Variants in DNMT3A observed in about 807,000 individuals in gnomAD.
DNMT3A encodes DNA methyltransferase 3 alpha.
DNMT3A carries 267 observed loss-of-function variants against 117.6 expected under a neutral mutation model. That is an observed-to-expected ratio of 2.27 (90% confidence interval 2.05 to 2.51). The LOEUF is 2.51. Ranked by LOEUF, DNMT3A falls within the 30% of genes most tolerant of loss-of-function variation. The probability of loss-of-function intolerance (pLI) is 0.00; values close to 1 mark genes in which losing one functional copy is unlikely to be tolerated. For synonymous variants in DNMT3A, 432 were observed against 474.8 expected, an observed-to-expected ratio of 0.91 and a Z score of 1.17; for missense variants, 1,029 against 1,260.2, an observed-to-expected ratio of 0.82 and a Z score of 2.78.
At chr2:25,319,017 CTTT>C (rs567787303) in intron 1 of DNMT3A, among the ~76,000 whole-genome samples, 5 of 103,262 alleles carry the variant, frequency 4.8e-5, no homozygotes, top group Non-Finnish European at 4.0e-5. Flanking sequence ...TTCTTTCTTT[CTTT>C]TTTTTTTTTT....
intron 1 of DNMT3A, among the ~76,000 whole-genome samples, chr2:25,332,387 T>A (rs985019675): frequency 6.6e-6 from 1 of 152,166 alleles, no homozygotes; most frequent in Non-Finnish European, 1.5e-5. Context: ...TGAATCCGAC[T>A]TCCTTCTCTG....
chr2:25,246,589 G>A (rs771170185), intron 10 of DNMT3A, 31 bp downstream of exon 10: 1 of 1,593,586 alleles, frequency 6.3e-7, no homozygotes, highest in Non-Finnish European at 8.6e-7. Context: ...TGGCGGGCAG[G>A]GGTCCCAGAA....
rs1261189796 is a variant in DNMT3A, at chr2:25,296,681, C to G, written c.177+3458G>C. ...AAGGGAGCACACTGGCCTGGGCATG[C>G]AAGGGGCAGGTGGAGTCTGGTTTGG... On this transcript the variant is annotated intron_variant, in intron 3 of 22. Transcript: ENST00000321117. This position sits in a 1 kb window ranked among gnomAD's most constrained non-coding sequence, Gnocchi z 4.2. 6.6e-6 allele frequency among the ~76,000 whole-genome samples: 1 copy of G among 152,098 alleles called. No individual in the cohort carries two copies. The highest frequency in any genetic ancestry group is 1.5e-5 in the Non-Finnish European group (1 of 67,992).
At chr2:25,330,826 C>T (rs1473910353) in intron 1 of DNMT3A, among the ~76,000 whole-genome samples, 2 of 152,214 alleles carry the variant, frequency 1.3e-5, no homozygotes, top group Admixed American at 1.3e-4. Flanking sequence ...AGGAACTGAC[C>T]CCCAATAACT....
chr2:25,248,609 G>A (rs1425414405), intron 6 of DNMT3A, among the ~76,000 whole-genome samples: 3 of 151,900 alleles, frequency 2.0e-5, no homozygotes, highest in African/African-American at 4.8e-5. Context: ...GTGCAGTGGC[G>A]CAATCTCGGC....
chr2:25,314,252 C>T (rs2034274255), intron 1 of DNMT3A, 91 bp from the exon 2 acceptor site: 1 of 1,324,470 alleles, frequency 7.6e-7, no homozygotes, highest in African/African-American at 1.5e-5. Flanking sequence ...GCCTGTGAGG[C>T]CTGGGGTGTT....
In DNMT3A at chr2:25,231,088, A is replaced by C. The variant is rs188165718; in HGVS notation, c.*3191T>G. The stretch of plus-strand genomic sequence containing the variant: ...AACTGTCACTAAGCAGTGGCTTGGG[A>C]GAGCCTGAGCCTTAGAAGACTCTGT... On this transcript the variant is annotated 3_prime_UTR_variant, in exon 23 of 23. Transcript: ENST00000321117. The C allele has an allele frequency of 6.6e-6, 1 of 152,440 alleles. No homozygotes were observed. The highest frequency in any genetic ancestry group is 1.9e-4 in the East Asian group (1 of 5,190). The allele number at this position is 152,440 out of a possible 1,614,324, so 9.4% of individuals were successfully genotyped here.
rs749881277 is a variant in DNMT3A, at chr2:25,248,187, C to T, written c.705G>A (p.Glu235=). Residue 235 remains glutamate, a synonymous_variant, in exon 7 of 23, where the codon GAG becomes GAA. Coordinates refer to ENST00000321117, the MANE Select transcript of DNMT3A (RefSeq NM_022552.5). ...NAVEENQGPG[E]SQKVEEASPP... The stretch of plus-strand genomic sequence containing the variant: ...GGCTGGCCTCCTCCACCTTCTGAGA[C>T]TCCCCGGGCCCCTGGTTTTCTTCCA... 6.2e-6 allele frequency: 10 copies of T among 1,613,548 alleles called. No individual in the cohort carries two copies. The highest frequency in any genetic ancestry group is 6.8e-6 in the Non-Finnish European group (8 of 1,179,846).
intron 1 of DNMT3A, among the ~76,000 whole-genome samples, chr2:25,335,500 C>T (rs1458256773): frequency 6.6e-6 from 1 of 152,176 alleles, no homozygotes; most frequent in African/African-American, 2.4e-5. Flanking sequence ...CACTCAACAG[C>T]TTAGTGAGAT....
At chr2:25,309,776 C>T (rs1011862840) in intron 2 of DNMT3A, among the ~76,000 whole-genome samples, 4 of 152,104 alleles carry the variant, frequency 2.6e-5, no homozygotes, top group East Asian at 1.9e-4. Context: ...AAGATAGGCC[C>T]GGCGTGGTGG....
chr2:25,276,108 C>T (rs913101276), intron 4 of DNMT3A, among the ~76,000 whole-genome samples: 5 of 152,158 alleles, frequency 3.3e-5, no homozygotes, highest in African/African-American at 1.2e-4. Context: ...TTCCTCTCTA[C>T]GAGACTCAGT....
chr2:25,240,040 G>A (rs1248148853), intron 19 of DNMT3A, among the ~76,000 whole-genome samples: 5 of 152,188 alleles, frequency 3.3e-5, no homozygotes, highest in African/African-American at 1.2e-4. Context: ...CACCCCACCT[G>A]ATTGAGTGAC....
rs2034264636 is a variant in DNMT3A at position 25,314,088 on chromosome 2, A to G, written c.-104T>C. 4.9e-6 allele frequency: 7 copies of G among 1,438,722 alleles called. No individual in the cohort carries two copies. Among genetic ancestry groups the G allele is most frequent in the Non-Finnish European group, 4.6e-6 (5 of 1,098,646 alleles). The allele number at this position is 1,438,722 out of a possible 1,614,324, so 89.1% of individuals were successfully genotyped here. A position where few individuals can be genotyped will look rare whatever the true frequency, so the allele number is the denominator to read the frequency against. ...TGGAGGCGAGAGTTAAAACTTAAAC[A>G]TAGATCCCGGTGTTGAGCCCTCTGG... On this transcript the variant is annotated 5_prime_UTR_variant, in exon 2 of 23. It removes an upstream start codon present in the reference 5' UTR. Transcript: ENST00000321117.
At position 25,241,927 on chromosome 2, in the gene DNMT3A, G is replaced by A. The variant is rs1225860012; in HGVS notation, c.1937-220C>T. 5.2e-6 allele frequency: 3 copies of A among 575,502 alleles called. No homozygotes were observed. The African/African-American group carries it at 5.8e-5, about 11-fold the overall frequency. 35.6% of individuals were successfully genotyped at this position (575,502 alleles called of 1,614,324 possible). Reference sequence around the variant, plus strand: ...CATGCCTCGTTTGGCCTATCTGGAAGGCAGTCAAAGCTGCAGAAAACTGAC... The same window carrying A: ...CATGCCTCGTTTGGCCTATCTGGAAAGCAGTCAAAGCTGCAGAAAACTGAC... On this transcript the variant is annotated intron_variant, in intron 16 of 22. Transcript: ENST00000321117.
chr2:25,264,758 G>A (rs1195587763), intron 6 of DNMT3A, among the ~76,000 whole-genome samples: 4 of 152,102 alleles, frequency 2.6e-5, no homozygotes, highest in African/African-American at 4.8e-5. Flanking sequence ...CACCACCCCC[G>A]GCCAAAAAGA....
At chr2:25,330,800 T>A (rs946207719) in intron 1 of DNMT3A, among the ~76,000 whole-genome samples, 3 of 152,164 alleles carry the variant, frequency 2.0e-5, no homozygotes, top group African/African-American at 7.2e-5. Context: ...CTCCCTCCCC[T>A]TATTAAAAAG....
chr2:25,293,551 C>A lies in DNMT3A; in HGVS notation c.177+6588G>T, dbSNP rs1292157559. Among the ~76,000 whole-genome samples the A allele has an allele frequency of 9.9e-5, 15 of 152,156 alleles. No homozygotes were observed. The highest frequency in any genetic ancestry group is 3.2e-3 in the Middle Eastern group (1 of 316). On this transcript the variant is annotated intron_variant, in intron 3 of 22. Transcript: ENST00000321117. This position sits in a 1 kb window ranked among gnomAD's most constrained non-coding sequence, Gnocchi z 4.7. ...GTCACCCAGCTGGAGTGCAGTGACA[C>A]AATTATGGCTCACTGCAGCCTCAAC...
intron 2 of DNMT3A, among the ~76,000 whole-genome samples, chr2:25,307,624 C>T (rs1217962918): frequency 2.6e-5 from 4 of 152,140 alleles, no homozygotes; most frequent in African/African-American, 7.2e-5. Flanking sequence ...CACCACCACG[C>T]TGGGCTAATT....
intron 4 of DNMT3A, among the ~76,000 whole-genome samples, chr2:25,278,821 C>T (rs1269900630): frequency 3.3e-5 from 5 of 150,454 alleles, no homozygotes; most frequent in East Asian, 1.9e-4. Flanking sequence ...GTGAATGAGA[C>T]GCTGTCTCAA....
Sources: gnomAD v4.1 joint callset for allele counts (sites outside exome capture counted in the v4.1 genomes callset) on GRCh38, gnomAD v4.1.1 for gene constraint, Gnocchi (gnomAD v3.1) non-coding constraint, MANE v1.5 for transcripts, NCBI Gene and HGNC (gene_info 2026-07-23, HGNC 2026-07-21) for gene names.